The following USP9X variants were observed in gnomAD, a reference collection of about 807,000 sequenced individuals.
USP9X encodes the protein ubiquitin carboxyl-terminal hydrolase 9X.
Under a neutral mutation model 190.3 loss-of-function variants are expected in USP9X, and 7 were observed. That is an observed-to-expected ratio of 0.04 (90% confidence interval 0.02 to 0.07). The LOEUF (loss-of-function observed/expected upper bound fraction) is 0.07. USP9X is among the 10% of genes least tolerant of loss of function. USP9X has a pLI of 1.00. For synonymous variants in USP9X, 645 were observed against 659.5 expected, an observed-to-expected ratio of 0.98 and a Z score of 0.34; for missense variants, 1,010 against 1,916.9, an observed-to-expected ratio of 0.53 and a Z score of 8.83.
intron 16 of USP9X, chrX:41,167,241 G>T: frequency 4.0e-6 from 1 of 250,366 alleles, no homozygotes; most frequent in Non-Finnish European, 7.2e-6. Context: ...TGGTCAAAGC[G>T]TATTTTATTT....
rs569049512 is a variant in USP9X at position 41,113,887 on chromosome X, C to G, written c.-158-9584C>G. 2.7e-5 allele frequency among the ~76,000 whole-genome samples: 3 copies of G among 112,817 alleles called. No individual in the cohort carries two copies. In the East Asian group the frequency reaches 8.3e-4, roughly 31 times the overall value. On this transcript the variant is annotated intron_variant, in intron 1 of 44. Transcript: ENST00000378308. ...ATTATAAATTTAACATTTATCAAAA[C>G]TTAATGCACACAAACGTTTTTATAG...
chrX:41,187,180 C>T (rs972154885), intron 24 of USP9X, among the ~76,000 whole-genome samples: 2 of 112,103 alleles, frequency 1.8e-5, no homozygotes, highest in African/African-American at 3.2e-5. Flanking sequence ...CTGCTGCGGT[C>T]GAAACCGAAT....
intron 5 of USP9X, 105 bp downstream of exon 5, chrX:41,134,942 T>A: frequency 1.6e-6 from 1 of 612,679 alleles, no homozygotes; most frequent in Non-Finnish European, 2.4e-6. Context: ...TCTGTTATAA[T>A]TGAATTAAAA....
chrX:41,187,604 A>AC (rs2062892917), intron 24 of USP9X, among the ~76,000 whole-genome samples: 1 of 112,502 alleles, frequency 8.9e-6, no homozygotes, highest in Admixed American at 9.4e-5. Flanking sequence ...AAAATGTAAT[A>AC]GTAAAGAGCT....
In USP9X at chrX:41,161,329, C is replaced by CTTTTTTTTTTT. The variant is rs1158519140; in HGVS notation, c.1898-1444_1898-1434dup. ...GTAAAGAGTATAAGAGAATTCTTGC[C>CTTTTTTTTTTT]TTTTTTTTTTTTTTTTTTTTTTTTT... On this transcript the variant is annotated intron_variant, in intron 14 of 44. Coordinates refer to ENST00000378308, the MANE Select transcript of USP9X (RefSeq NM_001039591.3). 6.2e-4 allele frequency among the ~76,000 whole-genome samples: 20 copies of CTTTTTTTTTTT among 32,468 alleles called. 8 individuals are homozygous for CTTTTTTTTTTT. Among genetic ancestry groups the CTTTTTTTTTTT allele is most frequent in the Admixed American group, 1.6e-3 (4 of 2,464 alleles). 28.2% of individuals were successfully genotyped at this position (32,468 alleles called of 115,157 possible). A position where few individuals can be genotyped will look rare whatever the true frequency, so the allele number is the denominator to read the frequency against.
rs375119776 is a variant in USP9X at position 41,214,713 on chromosome X, C to A, written c.5331+4C>A. The A allele has an allele frequency of 3.3e-5, 39 of 1,185,288 alleles. No homozygotes were observed. Among genetic ancestry groups the A allele is most frequent in the Admixed American group, 2.8e-4 (11 of 39,201 alleles). On this transcript the variant is annotated splice_donor_region_variant and intron_variant, in intron 34 of 44. Transcript: ENST00000378308. The stretch of plus-strand genomic sequence containing the variant: ...TTGTGAAAAATGCAATAAAAAGGTA[C>A]GGGCTGTCCAGTTTTGTTTAATTTT...
rs66463654 is a variant in USP9X, at chrX:41,144,220, A to ATT, written c.1315-286_1315-285dup. 4.2e-3 allele frequency among the ~76,000 whole-genome samples: 377 copies of ATT among 89,624 alleles called. 4 individuals carry two copies. The highest frequency in any genetic ancestry group is 0.011 in the African/African-American group (267 of 23,628). 77.8% of individuals were successfully genotyped at this position (89,624 alleles called of 115,157 possible). A position where few individuals can be genotyped will look rare whatever the true frequency, so the allele number is the denominator to read the frequency against. Reference sequence around the variant, plus strand: ...TTCTAAAGCATTTTATAATGTTAGAATTTTTTTTTTTTTTTTTGAGATGGA... The same window carrying ATT: ...TTCTAAAGCATTTTATAATGTTAGAATTTTTTTTTTTTTTTTTTTGAGATGGA... On this transcript the variant is annotated intron_variant, in intron 10 of 44. Coordinates refer to ENST00000378308, the MANE Select transcript of USP9X (RefSeq NM_001039591.3).
In USP9X at chrX:41,197,360, G is replaced by T; in HGVS notation, c.4234-4G>T. ...CCCCCCACCCCACCCCCCGCCTTTG[G>T]CAGGATGATGTTAAAAGAACAGGAG... On this transcript the variant is annotated splice_region_variant and splice_polypyrimidine_tract_variant and intron_variant, in intron 28 of 44. Coordinates refer to ENST00000378308, the MANE Select transcript of USP9X (RefSeq NM_001039591.3). 2 of 976,280 alleles carry T rather than the reference G, an allele frequency of 2.0e-6. No individual in the cohort carries two copies. The allele number at this position is 976,280 out of a possible 1,213,427, so 80.5% of individuals were successfully genotyped here. A position where few individuals can be genotyped will look rare whatever the true frequency, so the allele number is the denominator to read the frequency against.
At chrX:41,167,680 T>G (rs2062689770) in intron 17 of USP9X, 103 bp downstream of exon 17, 1 of 592,641 alleles carries the variant, frequency 1.7e-6, no homozygotes, top group Non-Finnish European at 2.6e-6. Context: ...CTTGCCTTGT[T>G]AGTTGTCTTG....
At chrX:41,140,513 C>T in intron 6 of USP9X, 143 bp from the exon 7 acceptor site, 1 of 441,730 alleles carries the variant, frequency 2.3e-6, no homozygotes, top group Non-Finnish European at 3.8e-6. Context: ...TTACTATGAA[C>T]AAAATGCAAT....
chrX:41,144,261 C>T (rs1399468430), intron 10 of USP9X, among the ~76,000 whole-genome samples: 1 of 102,117 alleles, frequency 9.8e-6, no homozygotes, highest in Non-Finnish European at 2.0e-5. Context: ...GTTCTGTTGC[C>T]CAGGCTGGAG....
At chrX:41,202,145 A>G (rs758333713) in intron 31 of USP9X, among the ~76,000 whole-genome samples, 92 of 111,988 alleles carry the variant, frequency 8.2e-4, no homozygotes, top group African/African-American at 2.6e-3. Context: ...GTATCTGCCA[A>G]TTTCACTGTG....
chrX:41,218,243 C>A, intron 36 of USP9X, 129 bp from the exon 37 acceptor site: 1 of 597,808 alleles, frequency 1.7e-6, no homozygotes, highest in East Asian at 3.5e-5. Context: ...TAGAAGCAAC[C>A]TTTGCTGGTT....
At chrX:41,224,483 A>T (rs2063295140) in intron 39 of USP9X, among the ~76,000 whole-genome samples, 1 of 109,594 alleles carries the variant, frequency 9.1e-6, no homozygotes, top group African/African-American at 3.3e-5. Flanking sequence ...AAAATACAAA[A>T]AAATTAGCCA....
At chrX:41,137,591 G>T (rs1287184034) in intron 6 of USP9X, among the ~76,000 whole-genome samples, 6 of 110,590 alleles carry the variant, frequency 5.4e-5, no homozygotes, top group Admixed American at 9.6e-5. Flanking sequence ...TAAAATTTTA[G>T]ATTTTAGGGA....
At chrX:41,104,792 GA>G (rs921387381) in intron 1 of USP9X, among the ~76,000 whole-genome samples, 8 of 106,205 alleles carry the variant, frequency 7.5e-5, no homozygotes, top group South Asian at 7.9e-4. Context: ...TCTTGAGAGA[GA>G]AAAAAAAAAG....
At chrX:41,227,906 T>TA (rs1398057224) in intron 41 of USP9X, among the ~76,000 whole-genome samples, 1 of 112,289 alleles carries the variant, frequency 8.9e-6, no homozygotes, top group Non-Finnish European at 1.9e-5. Flanking sequence ...TTCACCGTGT[T>TA]AGTCAGGATG....
At chrX:41,135,139 T>C (rs750982887) in intron 5 of USP9X, among the ~76,000 whole-genome samples, 1 of 110,975 alleles carries the variant, frequency 9.0e-6, no homozygotes, top group Non-Finnish European at 1.9e-5. Context: ...AATTGTAAGG[T>C]ACATCACTGT....
intron 2 of USP9X, among the ~76,000 whole-genome samples, chrX:41,128,488 G>A (rs1030849207): frequency 1.8e-5 from 2 of 111,686 alleles, no homozygotes; most frequent in Admixed American, 9.5e-5. Context: ...AAGCACAGTA[G>A]TACAGAGATG....
Sources: gnomAD v4.1 joint callset for allele counts (sites outside exome capture counted in the v4.1 genomes callset) on GRCh38, gnomAD v4.1.1 for gene constraint, MANE v1.5 for transcripts, NCBI Gene and HGNC (gene_info 2026-07-23, HGNC 2026-07-21) for gene names.